The following PDGFD variants were observed in gnomAD, a reference collection of about 807,000 sequenced individuals.
PDGFD encodes platelet derived growth factor D, also known as platelet-derived growth factor D.
Under a neutral mutation model 44.7 loss-of-function variants are expected in PDGFD, and 30 were observed. The observed-to-expected ratio is 0.67, with a 90% CI of 0.50 to 0.91. PDGFD has a LOEUF of 0.91. Among genes scored for constraint, PDGFD ranks in the 40% least tolerant of loss-of-function variants. PDGFD has a pLI of 0.00. For synonymous variants in PDGFD, 173 were observed against 168.4 expected (o/e 1.03, Z -0.21); for missense variants, 445 against 457.8 (o/e 0.97, Z 0.25).
intron 1 of PDGFD, among the ~76,000 whole-genome samples, chr11:104,077,338 CA>C (rs1339536343): frequency 1.3e-5 from 2 of 152,106 alleles, no homozygotes; most frequent in Admixed American, 6.5e-5. Flanking sequence ...GGATGTAAGG[CA>C]GCAGTGTAAG....
At chr11:104,143,348 T>C (rs1317777911) in intron 1 of PDGFD, among the ~76,000 whole-genome samples, 7 of 152,178 alleles carry the variant, frequency 4.6e-5, no homozygotes, top group African/African-American at 1.7e-4. Flanking sequence ...CATTTCTGAA[T>C]ATGCTAGAGG....
chr11:103,927,280 A>G (rs1308880029), intron 5 of PDGFD, among the ~76,000 whole-genome samples, 154 bp from the exon 6 acceptor site: 2 of 152,194 alleles, frequency 1.3e-5, no homozygotes, highest in African/African-American at 4.8e-5. Context: ...GGGAACCTAA[A>G]GTAAAAGACC....
intron 1 of PDGFD, among the ~76,000 whole-genome samples, chr11:104,097,476 C>A (rs758816645): frequency 1.3e-5 from 2 of 151,990 alleles, no homozygotes; most frequent in Non-Finnish European, 2.9e-5. Context: ...TAGCACCTAC[C>A]AGTTGGGGTT....
chr11:104,008,717 A>C (rs1010519384), intron 1 of PDGFD, among the ~76,000 whole-genome samples: 4 of 152,142 alleles, frequency 2.6e-5, no homozygotes, highest in Admixed American at 1.3e-4. Flanking sequence ...TTCAAAGGAA[A>C]GTAAAAAATA....
At chr11:103,985,256 C>G (rs1859346247) in intron 3 of PDGFD, among the ~76,000 whole-genome samples, 1 of 148,958 alleles carries the variant, frequency 6.7e-6, no homozygotes, top group South Asian at 2.1e-4. Flanking sequence ...GGCTGCAGTC[C>G]AGTGGTGAAA....
intron 1 of PDGFD, among the ~76,000 whole-genome samples, chr11:104,125,410 C>G (rs1363819568): frequency 6.6e-6 from 1 of 152,040 alleles, no homozygotes; most frequent in Non-Finnish European, 1.5e-5. Context: ...GACTCATGCA[C>G]CTTTTTTCTG....
chr11:104,137,822 C>T (rs563034798), intron 1 of PDGFD, among the ~76,000 whole-genome samples: 23 of 145,464 alleles, frequency 1.6e-4, no homozygotes, highest in African/African-American at 5.1e-4. Context: ...ACACTCCTGC[C>T]TTTCCCAACA....
At chr11:104,010,621 C>G (rs116840042) in intron 1 of PDGFD, among the ~76,000 whole-genome samples, 1 of 151,880 alleles carries the variant, frequency 6.6e-6, no homozygotes, top group African/African-American at 2.4e-5. Context: ...GACTTTTGGT[C>G]TAATTTTTAG....
At chr11:104,014,390 G>A (rs1011401807) in intron 1 of PDGFD, among the ~76,000 whole-genome samples, 2 of 152,112 alleles carry the variant, frequency 1.3e-5, no homozygotes, top group Admixed American at 6.6e-5. Flanking sequence ...CAGTGACTTG[G>A]GGAGCTGAGG....
chr11:104,000,234 A>G lies in PDGFD; in HGVS notation c.146T>C (p.Leu49Ser), dbSNP rs1394001483. Residue 49 changes from leucine (L) to serine (S), a missense_variant, in exon 2 of 7, where the codon TTG (leucine) becomes TCG (serine). Physicochemically the swap from Leu to Ser is moderately radical, Grantham distance 145. Coordinates refer to ENST00000393158, the MANE Select transcript of PDGFD (RefSeq NM_025208.5). ...RRDESNHLTD[L>S]YRRDETIQVK... ...CTGGATGGTCTCATCTCTTCGGTAC[A>G]AGTCTGTGAGGTGATTGCTCTCTGT... The G allele has an allele frequency of 4.3e-6, 7 of 1,613,996 alleles. No individual in the cohort carries two copies. The highest frequency in any genetic ancestry group is 1.3e-5 in the African/African-American group (1 of 75,028).
chr11:104,063,937 C>A (rs755446120), intron 1 of PDGFD, among the ~76,000 whole-genome samples: 1 of 152,032 alleles, frequency 6.6e-6, no homozygotes, highest in Middle Eastern at 3.2e-3. Context: ...GGAAAGCCAA[C>A]GGAAGAAGGG....
intron 1 of PDGFD, among the ~76,000 whole-genome samples, chr11:104,058,469 G>T (rs895011578): frequency 6.6e-6 from 1 of 152,146 alleles, no homozygotes. Flanking sequence ...CCACTAAAAA[G>T]ACTAAAATTA....
intron 1 of PDGFD, among the ~76,000 whole-genome samples, chr11:104,114,736 A>T (rs988331295): frequency 6.6e-6 from 1 of 152,010 alleles, no homozygotes; most frequent in East Asian, 1.9e-4. Flanking sequence ...TGACCATAGA[A>T]TATCTCTCCA....
chr11:104,020,057 G>A lies in PDGFD; in HGVS notation c.125-19802C>T, dbSNP rs138697414. ...GATGCACAGAAAAAATAACACCAAT[G>A]AGTAAATAAACACCAAACAAATTTC... On this transcript the variant is annotated intron_variant, in intron 1 of 6. Transcript: ENST00000393158. Among the ~76,000 whole-genome samples, 502 of 152,194 alleles carry A rather than the reference G, an allele frequency of 3.3e-3. 2 individuals carry two copies. Among genetic ancestry groups the A allele is most frequent in the African/African-American group, 0.012 (479 of 41,544 alleles).
In PDGFD at chr11:104,037,009, T is replaced by G. The variant is rs77537692; in HGVS notation, c.125-36754A>C. On this transcript the variant is annotated intron_variant, in intron 1 of 6. Coordinates refer to ENST00000393158, the MANE Select transcript of PDGFD (RefSeq NM_025208.5). ...CATCGAGGACCACTGTTCCCTGGGC[T>G]CCTACGGCCTCAAAGATGGCGATAT... The G allele has an allele frequency of 1.3e-3, 2,114 of 1,614,220 alleles. 31 individuals are homozygous for G. In the African/African-American group the frequency reaches 0.025, roughly 19 times the overall value.
At chr11:103,994,803 C>T (rs1310743489) in intron 3 of PDGFD, among the ~76,000 whole-genome samples, 3 of 151,566 alleles carry the variant, frequency 2.0e-5, no homozygotes, top group East Asian at 3.9e-4. Flanking sequence ...ACAAAATTAT[C>T]CAAATGTCTC....
intron 1 of PDGFD, among the ~76,000 whole-genome samples, chr11:104,063,103 T>C (rs1259579690): frequency 3.3e-5 from 5 of 152,314 alleles, no homozygotes; most frequent in African/African-American, 1.2e-4. Context: ...AATTCAATTA[T>C]GCTGCTAAAT....
In PDGFD at chr11:103,909,698, C is replaced by A; in HGVS notation, c.1109G>T (p.Arg370Leu). 6.2e-7 allele frequency: 1 copy of A among 1,614,026 alleles called. No individual in the cohort carries two copies. The highest frequency in any genetic ancestry group is 8.5e-7 in the Non-Finnish European group (1 of 1,179,914). ...CDCICSSRPP[R>L] ...TGTAAGGATGTGCACATTCTCTTAT[C>A]GAGGTGGTCTTGAGCTGCAGATACA... is the stretch of plus-strand genomic sequence containing the variant. Residue 370 changes from arginine (R) to leucine (L), a missense_variant, in exon 7 of 7, where the codon CGA becomes CTA. By Grantham distance (102) the Arg-to-Leu change is moderately radical. Transcript: ENST00000393158.
At position 104,105,903 on chromosome 11, in the gene PDGFD, T is replaced by C. The variant is rs910325610; in HGVS notation, c.124+57901A>G. ...TCTAAGTGTTATATATAAGTAGATA[T>C]TAGTATTATCATGAATTATGAAGAA... On this transcript the variant is annotated intron_variant, in intron 1 of 6. Coordinates refer to ENST00000393158, the MANE Select transcript of PDGFD (RefSeq NM_025208.5). 9.9e-5 allele frequency among the ~76,000 whole-genome samples: 15 copies of C among 152,258 alleles called. No individual in the cohort carries two copies. In the East Asian group the frequency reaches 2.7e-3, roughly 27 times the overall value.
Sources: gnomAD v4.1 joint callset for allele counts (sites outside exome capture counted in the v4.1 genomes callset) on GRCh38, gnomAD v4.1.1 for gene constraint, MANE v1.5 for transcripts, NCBI Gene and HGNC (gene_info 2026-07-23, HGNC 2026-07-21) for gene names.